The following VANGL1 variants were observed in gnomAD, a reference collection of about 807,000 sequenced individuals.
The protein encoded by VANGL1 is VANGL planar cell polarity protein 1.
Under a neutral mutation model 48.4 loss-of-function variants are expected in VANGL1, and 18 were observed. The observed-to-expected ratio is 0.37, with a 90% CI of 0.26 to 0.55. The LOEUF (loss-of-function observed/expected upper bound fraction) is 0.55. VANGL1 is among the 20% of genes least tolerant of loss of function. The pLI is 0.81. For missense variants in VANGL1, 667 were observed against 675.8 expected (o/e 0.99, Z 0.14); for synonymous variants, 257 against 261.8 (o/e 0.98, Z 0.18).
At chr1:115,669,539 C>T (rs529050612) in intron 4 of VANGL1, among the ~76,000 whole-genome samples, 83 of 152,298 alleles carry the variant, frequency 5.4e-4, no homozygotes, top group African/African-American at 1.9e-3. Flanking sequence ...CGATTTCCCC[C>T]ATACTGTTCC....
chr1:115,655,874 C>T (rs1248936055), intron 2 of VANGL1, among the ~76,000 whole-genome samples: 6 of 152,164 alleles, frequency 3.9e-5, no homozygotes, highest in Non-Finnish European at 5.9e-5. Flanking sequence ...CACTGTGACC[C>T]GCAGTTCTGC....
chr1:115,687,624 T>C lies in VANGL1; in HGVS notation c.1314+2097T>C, dbSNP rs528127287. 2.5e-3 allele frequency among the ~76,000 whole-genome samples: 348 copies of C among 137,966 alleles called. 59 individuals are homozygous for C. The highest frequency in any genetic ancestry group is 0.015 in the Middle Eastern group (4 of 260). The allele number at this position is 137,966 out of a possible 152,430, so 90.5% of individuals were successfully genotyped here. A position where few individuals can be genotyped will look rare whatever the true frequency, so the allele number is the denominator to read the frequency against. On this transcript the variant is annotated intron_variant, in intron 7 of 7. Transcript: ENST00000355485. Reference sequence around the variant, plus strand: ...TTTTTACCGATAAGGAGTTGGTATATATTCTTTCAAATATATGTAGATGTT... The same window carrying C: ...TTTTTACCGATAAGGAGTTGGTATACATTCTTTCAAATATATGTAGATGTT...
In VANGL1 at chr1:115,684,071, A is replaced by G. The variant is rs1653501425; in HGVS notation, c.1074A>G (p.Lys358=). Reference sequence around the variant, plus strand: ...ATGAACGGCGAGTAAAGAAGCGGAAAGCAAGGTATACTGCCCTCCTGATGC... The same window carrying G: ...ATGAACGGCGAGTAAAGAAGCGGAAGGCAAGGTATACTGCCCTCCTGATGC... ...AEHERRVKKR[K]ARLVVAVEEA... is the part of the protein sequence containing the mutation. Residue 358 remains lysine (K), a synonymous_variant, in exon 6 of 8, where the codon AAA becomes AAG. Transcript: ENST00000355485. 2 of 1,613,474 alleles carry G rather than the reference A, an allele frequency of 1.2e-6. No individual in the cohort carries two copies. Among genetic ancestry groups the G allele is most frequent in the Admixed American group, 1.7e-5 (1 of 59,998 alleles).
chr1:115,654,184 G>T (rs1344429695), intron 2 of VANGL1, among the ~76,000 whole-genome samples: 1 of 152,116 alleles, frequency 6.6e-6, no homozygotes, highest in Non-Finnish European at 1.5e-5. Context: ...GGCGGGTTGG[G>T]GTTGGAGGGG....
intron 1 of VANGL1, among the ~76,000 whole-genome samples, chr1:115,647,101 C>T (rs559776508): frequency 1.3e-5 from 2 of 152,316 alleles, no homozygotes; most frequent in African/African-American, 4.8e-5. Context: ...TGGGACACCA[C>T]GGAAAGGTTT....
rs1651908394 is a variant in VANGL1 at position 115,646,242 on chromosome 1, C to G, written c.-138+4156C>G. ...TAGGACACTGCCACTTAGAAGCACT[C>G]TGTGCACCTATCTCCCATTGTTGAC... On this transcript the variant is annotated intron_variant, in intron 1 of 7. Coordinates refer to ENST00000355485, the MANE Select transcript of VANGL1 (RefSeq NM_138959.3). Among the ~76,000 whole-genome samples the G allele has an allele frequency of 2.0e-5, 3 of 152,160 alleles. No individual in the cohort carries two copies. The South Asian group carries it at 6.2e-4, about 31-fold the overall frequency.
At chr1:115,655,853 TGAG>T (rs1652325249) in intron 2 of VANGL1, among the ~76,000 whole-genome samples, 1 of 152,040 alleles carries the variant, frequency 6.6e-6, no homozygotes, top group African/African-American at 2.4e-5. Context: ...CATATTACAG[TGAG>T]GTGGCCACAC....
At chr1:115,649,543 C>T (rs1383176082) in intron 1 of VANGL1, among the ~76,000 whole-genome samples, 2 of 152,190 alleles carry the variant, frequency 1.3e-5, no homozygotes, top group East Asian at 1.9e-4. Context: ...TTTCGGAACC[C>T]GCAAAGAGAG....
chr1:115,657,481 G>T (rs1030938412), intron 2 of VANGL1, among the ~76,000 whole-genome samples: 1 of 152,128 alleles, frequency 6.6e-6, no homozygotes, highest in African/African-American at 2.4e-5. Context: ...GCCTTCATAG[G>T]ATTATTATTA....
At chr1:115,655,731 C>T (rs754776674) in intron 2 of VANGL1, among the ~76,000 whole-genome samples, 18 of 152,128 alleles carry the variant, frequency 1.2e-4, no homozygotes, top group African/African-American at 3.1e-4. Flanking sequence ...TCTTAGATGC[C>T]GTGAACAGAT....
intron 4 of VANGL1, among the ~76,000 whole-genome samples, chr1:115,678,597 G>A (rs916036540): frequency 2.6e-5 from 4 of 152,134 alleles, no homozygotes; most frequent in Admixed American, 2.0e-4. Context: ...GTTAAGATGC[G>A]TAATCATCAT....
chr1:115,685,806 G>A (rs776363274), intron 7 of VANGL1, among the ~76,000 whole-genome samples: 1 of 152,068 alleles, frequency 6.6e-6, no homozygotes, highest in Non-Finnish European at 1.5e-5. Flanking sequence ...GTGATTAGGG[G>A]TGCATTGTGG....
intron 4 of VANGL1, among the ~76,000 whole-genome samples, chr1:115,679,920 A>G (rs1473504074): frequency 6.6e-6 from 1 of 151,954 alleles, no homozygotes; most frequent in African/African-American, 2.4e-5. Flanking sequence ...GGAGCCTCAG[A>G]AAGCCCAGGC....
intron 7 of VANGL1, among the ~76,000 whole-genome samples, chr1:115,688,789 C>CTT (rs375754395): frequency 1.0e-4 from 13 of 124,200 alleles, no homozygotes; most frequent in Middle Eastern, 3.8e-3. Flanking sequence ...TATATTTCTT[C>CTT]TTTTTTTTTT....
intron 3 of VANGL1, among the ~76,000 whole-genome samples, chr1:115,661,656 C>T (rs555197581): frequency 4.9e-4 from 74 of 152,026 alleles, no homozygotes; most frequent in Non-Finnish European, 7.2e-4. Flanking sequence ...CTTGTTCTGT[C>T]GCCCAGGCTG....
intron 4 of VANGL1, among the ~76,000 whole-genome samples, chr1:115,669,744 C>T (rs1205228436): frequency 6.6e-6 from 1 of 152,134 alleles, no homozygotes; most frequent in Non-Finnish European, 1.5e-5. Flanking sequence ...TATAAATTAC[C>T]CAGTCTTGGG....
At chr1:115,683,633 T>G (rs1653474502) in intron 5 of VANGL1, among the ~76,000 whole-genome samples, 1 of 152,222 alleles carries the variant, frequency 6.6e-6, no homozygotes, top group South Asian at 2.1e-4. Flanking sequence ...TGGTAACATC[T>G]TCAGCACACT....
intron 1 of VANGL1, among the ~76,000 whole-genome samples, chr1:115,644,453 A>G (rs561587048): frequency 1.3e-5 from 2 of 152,226 alleles, no homozygotes; most frequent in East Asian, 1.9e-4. Context: ...ATGCTATTCT[A>G]TTTTCCTTAA....
At chr1:115,652,469 G>A (rs1189684545) in intron 2 of VANGL1, among the ~76,000 whole-genome samples, 1 of 152,228 alleles carries the variant, frequency 6.6e-6, no homozygotes, top group Non-Finnish European at 1.5e-5. Flanking sequence ...GGGTACAGCA[G>A]TCCTCTCCTA....
Sources: gnomAD v4.1 joint callset for allele counts (sites outside exome capture counted in the v4.1 genomes callset) on GRCh38, gnomAD v4.1.1 for gene constraint, MANE v1.5 for transcripts, NCBI Gene and HGNC (gene_info 2026-07-23, HGNC 2026-07-21) for gene names.